ITPK1: variants seen among roughly 807,000 people sequenced by gnomAD.
ITPK1 encodes the protein inositol-tetrakisphosphate 1-kinase, also known as inositol 1,3,4-trisphosphate 5/6-kinase.
In ITPK1, 21 loss-of-function variants were observed where a neutral mutation model predicts 45.3. The observed-to-expected ratio is 0.46, with a 90% CI of 0.33 to 0.67. ITPK1 has a LOEUF of 0.67. ITPK1 is among the 30% of genes least tolerant of loss of function. The pLI is 0.02. For synonymous variants in ITPK1, 258 were observed against 253.6 expected (o/e 1.02, Z -0.16); for missense variants, 474 against 573.5 (o/e 0.83, Z 1.77).
intron 9 of ITPK1, among the ~76,000 whole-genome samples, chr14:92,947,963 C>T (rs975562472): frequency 6.6e-6 from 1 of 152,184 alleles, no homozygotes; most frequent in African/African-American, 2.4e-5. Flanking sequence ...CACAGATGAA[C>T]AGCTACAAAA....
At chr14:93,093,312 C>T (rs1319054303) in intron 2 of ITPK1, among the ~76,000 whole-genome samples, 1 of 152,332 alleles carries the variant, frequency 6.6e-6, no homozygotes. Context: ...CAGCTCTCTG[C>T]CCTGCCCCAG....
intron 3 of ITPK1, among the ~76,000 whole-genome samples, chr14:93,033,960 G>C: frequency 6.6e-6 from 1 of 152,080 alleles, no homozygotes; most frequent in East Asian, 1.9e-4. Context: ...ATGGGGCAGG[G>C]GGCAAGCACA....
chr14:93,052,616 A>C (rs1168233185), intron 3 of ITPK1, among the ~76,000 whole-genome samples: 1 of 152,144 alleles, frequency 6.6e-6, no homozygotes, highest in Non-Finnish European at 1.5e-5. Flanking sequence ...AGACGGCCTG[A>C]GAGTGACTCA....
chr14:92,994,605 G>A (rs1886957646), intron 4 of ITPK1, among the ~76,000 whole-genome samples: 1 of 152,218 alleles, frequency 6.6e-6, no homozygotes, highest in Non-Finnish European at 1.5e-5. Context: ...AGACACTGCT[G>A]TCCAGAACAG....
At chr14:92,991,125 A>G (rs1886766166) in intron 5 of ITPK1, among the ~76,000 whole-genome samples, 2 of 152,328 alleles carry the variant, frequency 1.3e-5, no homozygotes, top group South Asian at 2.1e-4. Flanking sequence ...GGGAACTTCA[A>G]GGGTAATTAT....
At chr14:93,039,058 C>T (rs1358832131) in intron 3 of ITPK1, among the ~76,000 whole-genome samples, 3 of 152,320 alleles carry the variant, frequency 2.0e-5, no homozygotes, top group Middle Eastern at 3.4e-3. Flanking sequence ...GCTACCACCG[C>T]CGACCTTGCT....
At chr14:92,953,233 G>A (rs1484447805) in intron 8 of ITPK1, among the ~76,000 whole-genome samples, 8 of 152,256 alleles carry the variant, frequency 5.3e-5, no homozygotes, top group African/African-American at 1.4e-4. Context: ...GCAGGCAGGC[G>A]CTGAGATGTA....
Position 93,093,453 on chromosome 14 carries a change from C to T in ITPK1, c.96-16834G>A, listed in dbSNP as rs28438638. On this transcript the variant is annotated intron_variant, in intron 2 of 10. Transcript: ENST00000267615. ...GACATCATCTCCTCTTCCCCCGCTC[C>T]CCAACCTCCCCTTCCTCATGAAGTC... 7.0e-3 allele frequency among the ~76,000 whole-genome samples: 1,062 copies of T among 152,338 alleles called. 12 individuals are homozygous for T. The highest frequency in any genetic ancestry group is 0.025 in the African/African-American group (1,022 of 41,562).
chr14:93,048,600 G>C (rs977369089), intron 3 of ITPK1, among the ~76,000 whole-genome samples: 1 of 152,196 alleles, frequency 6.6e-6, no homozygotes, highest in African/African-American at 2.4e-5. Context: ...CAAAATATCT[G>C]GAAGCGGGGA....
chr14:92,947,039 C>G (rs3783923), intron 9 of ITPK1, among the ~76,000 whole-genome samples: 1 of 151,956 alleles, frequency 6.6e-6, no homozygotes, highest in African/African-American at 2.4e-5. Flanking sequence ...CCAGCAGCTG[C>G]GGGACATGGC....
chr14:93,085,452 T>G (rs535200579), intron 2 of ITPK1, among the ~76,000 whole-genome samples: 84 of 152,206 alleles, frequency 5.5e-4, no homozygotes, highest in Admixed American at 2.0e-3. Context: ...GTACACTCCC[T>G]CAGACCCAGA....
intron 10 of ITPK1, among the ~76,000 whole-genome samples, chr14:92,942,822 A>G (rs780145678): frequency 2.0e-5 from 3 of 152,230 alleles, no homozygotes; most frequent in Non-Finnish European, 4.4e-5. Context: ...AGAGACTCAC[A>G]CAGGGCAAGC....
At chr14:93,018,153 T>C (rs1395741795) in intron 3 of ITPK1, among the ~76,000 whole-genome samples, 1 of 152,116 alleles carries the variant, frequency 6.6e-6, no homozygotes, top group East Asian at 1.9e-4. Context: ...CAGCAGAAGA[T>C]GGGCAAGAAG....
At chr14:93,029,264 T>A (rs1595151290) in intron 3 of ITPK1, among the ~76,000 whole-genome samples, 1 of 152,220 alleles carries the variant, frequency 6.6e-6, no homozygotes, top group Admixed American at 6.5e-5. Context: ...CTCCCTTCCC[T>A]AGAGCCAACA....
chr14:92,941,197 A>C lies in ITPK1; in HGVS notation c.*364T>G. The C allele has an allele frequency of 3.2e-6, 4 of 1,261,116 alleles. No individual in the cohort carries two copies. Among genetic ancestry groups the C allele is most frequent in the Non-Finnish European group, 4.0e-6 (4 of 991,844 alleles). The allele number at this position is 1,261,116 out of a possible 1,614,324, so 78.1% of individuals were successfully genotyped here. A position where few individuals can be genotyped will look rare whatever the true frequency, so the allele number is the denominator to read the frequency against. On this transcript the variant is annotated 3_prime_UTR_variant, in exon 11 of 11. Transcript: ENST00000267615. Reference sequence around the variant, plus strand: ...GCTTCCCCCAAGGGTCCCGGTCCACAGTGGCCATGGAGACCAACAGACAGG... The same window carrying C: ...GCTTCCCCCAAGGGTCCCGGTCCACCGTGGCCATGGAGACCAACAGACAGG...
chr14:92,941,382 C>G lies in ITPK1; in HGVS notation c.*179G>C. On this transcript the variant is annotated 3_prime_UTR_variant, in exon 11 of 11. Coordinates refer to ENST00000267615, the MANE Select transcript of ITPK1 (RefSeq NM_014216.6). ...CCCCAACGGTGGACCACCTGGTACT[C>G]TCTTCCATCCCCCACTACCCCTCAT... The G allele has an allele frequency of 7.1e-7, 1 of 1,417,064 alleles. No homozygotes were observed. The highest frequency in any genetic ancestry group is 1.5e-5 in the South Asian group (1 of 64,672). 87.8% of individuals were successfully genotyped at this position (1,417,064 alleles called of 1,614,324 possible). A position where few individuals can be genotyped will look rare whatever the true frequency, so the allele number is the denominator to read the frequency against.
At chr14:93,002,544 G>C (rs968222656) in intron 4 of ITPK1, among the ~76,000 whole-genome samples, 4 of 152,068 alleles carry the variant, frequency 2.6e-5, no homozygotes, top group Non-Finnish European at 4.4e-5. Context: ...GGTTGCTCTG[G>C]GGCATTTCAG....
At chr14:93,056,969 C>T (rs1890236919) in intron 3 of ITPK1, among the ~76,000 whole-genome samples, 1 of 152,220 alleles carries the variant, frequency 6.6e-6, no homozygotes, top group South Asian at 2.1e-4. Flanking sequence ...CTTCCTGAGC[C>T]TCCAAAACTG....
chr14:92,946,067 G>A (rs1278946255), intron 10 of ITPK1, among the ~76,000 whole-genome samples: 3 of 152,190 alleles, frequency 2.0e-5, no homozygotes, highest in Non-Finnish European at 4.4e-5. Flanking sequence ...TGACGCAGGT[G>A]GAGAGAGGAG....
Sources: gnomAD v4.1 joint callset for allele counts (sites outside exome capture counted in the v4.1 genomes callset) on GRCh38, gnomAD v4.1.1 for gene constraint, MANE v1.5 for transcripts, NCBI Gene and HGNC (gene_info 2026-07-23, HGNC 2026-07-21) for gene names.